The following SLC8A1 variants were observed in gnomAD, a reference collection of about 807,000 sequenced individuals.
The protein encoded by SLC8A1 is solute carrier family 8 member A1, also known as sodium/calcium exchanger 1.
In SLC8A1, 18 loss-of-function variants were observed where a neutral mutation model predicts 68.3. The ratio of observed to expected loss-of-function variants is 0.26; its 90% confidence interval spans 0.18 to 0.39. The LOEUF is 0.39. Among genes scored for constraint, SLC8A1 ranks in the 10% least tolerant of loss-of-function variants. The probability of loss-of-function intolerance (pLI) is 1.00; values close to 1 mark genes in which losing one functional copy is unlikely to be tolerated. For missense variants in SLC8A1, 985 were observed against 1,156.7 expected (o/e 0.85, Z 2.15); for synonymous variants, 475 against 415.5 (o/e 1.14, Z -1.74).
intron 2 of SLC8A1, among the ~76,000 whole-genome samples, chr2:40,297,758 G>C (rs537074686): frequency 6.6e-6 from 1 of 152,276 alleles, no homozygotes; most frequent in East Asian, 1.9e-4. Flanking sequence ...TAGAGTAACA[G>C]TCTCAAGAAA....
At chr2:40,358,690 T>A (rs1484903690) in intron 2 of SLC8A1, among the ~76,000 whole-genome samples, 1 of 152,214 alleles carries the variant, frequency 6.6e-6, no homozygotes, top group Non-Finnish European at 1.5e-5. Context: ...ATCTGTACAA[T>A]GGCCTAGGTA....
chr2:40,157,103 C>G (rs773628390), intron 6 of SLC8A1, among the ~76,000 whole-genome samples: 1 of 152,020 alleles, frequency 6.6e-6, no homozygotes, highest in Non-Finnish European at 1.5e-5. Context: ...GTTTTTAGTC[C>G]CATAGCTATT....
intron 1 of SLC8A1, among the ~76,000 whole-genome samples, chr2:40,493,197 G>C (rs1318723159): frequency 6.6e-6 from 1 of 152,044 alleles, no homozygotes; most frequent in East Asian, 1.9e-4. Flanking sequence ...CCTTCGTAGG[G>C]ACATGGATGG....
At position 40,391,798 on chromosome 2, in the gene SLC8A1, T is replaced by G. The variant is rs557349613; in HGVS notation, c.1808+36675A>C. On this transcript the variant is annotated intron_variant, in intron 2 of 7. Coordinates refer to ENST00000406785, the Ensembl canonical transcript of SLC8A1. ...CAAAATAAATCAGGTAGACAAAAAG[T>G]GTTAACCACATCACGCAAAGACCAA... Among the ~76,000 whole-genome samples the G allele has an allele frequency of 1.3e-4, 20 of 152,092 alleles. 1 individual carries two copies. The South Asian group carries it at 2.1e-3, about 16-fold the overall frequency.
At chr2:40,369,494 C>G (rs946345419) in intron 2 of SLC8A1, among the ~76,000 whole-genome samples, 3 of 152,052 alleles carry the variant, frequency 2.0e-5, no homozygotes, top group African/African-American at 7.2e-5. Context: ...TTTAGCATTG[C>G]TAATGTTAAG....
chr2:40,294,884 T>C (rs562581048), intron 2 of SLC8A1, among the ~76,000 whole-genome samples: 2 of 152,290 alleles, frequency 1.3e-5, no homozygotes, highest in South Asian at 4.1e-4. Flanking sequence ...TATAGTCACA[T>C]GTACGTATAA....
chr2:40,284,288 C>T (rs368965923), intron 2 of SLC8A1, among the ~76,000 whole-genome samples: 13 of 148,232 alleles, frequency 8.8e-5, no homozygotes, highest in Middle Eastern at 3.9e-3. Context: ...TCTCTGATCT[C>T]GCTATATATT....
intron 2 of SLC8A1, among the ~76,000 whole-genome samples, chr2:40,318,089 C>G (rs2074710243): frequency 6.6e-6 from 1 of 152,086 alleles, no homozygotes; most frequent in African/African-American, 2.4e-5. Context: ...TCACATGGAA[C>G]ACTTAATTAT....
chr2:40,168,956 G>T (rs2047004903), intron 4 of SLC8A1, among the ~76,000 whole-genome samples: 1 of 152,160 alleles, frequency 6.6e-6, no homozygotes, highest in Non-Finnish European at 1.5e-5. Flanking sequence ...AATATTGACA[G>T]GACATAAAAC....
chr2:40,490,724 G>A (rs777058345), intron 1 of SLC8A1, among the ~76,000 whole-genome samples: 3 of 151,960 alleles, frequency 2.0e-5, no homozygotes, highest in Admixed American at 2.0e-4. Context: ...GACTTCTAAC[G>A]TCAACTTGGC....
intron 2 of SLC8A1, among the ~76,000 whole-genome samples, chr2:40,271,787 C>A (rs1297263707): frequency 1.3e-5 from 2 of 152,164 alleles, no homozygotes; most frequent in Non-Finnish European, 2.9e-5. Context: ...ACCCTTCTTT[C>A]CCCAGTGTCC....
At chr2:40,163,593 C>T (rs1485995679) in intron 5 of SLC8A1, among the ~76,000 whole-genome samples, 1 of 152,176 alleles carries the variant, frequency 6.6e-6, no homozygotes, top group Non-Finnish European at 1.5e-5. Context: ...ACATTCCAGG[C>T]ATGGTTGTGC....
At chr2:40,357,562 ATCT>A (rs1673095501) in intron 2 of SLC8A1, among the ~76,000 whole-genome samples, 1 of 151,796 alleles carries the variant, frequency 6.6e-6, no homozygotes, top group African/African-American at 2.4e-5. Flanking sequence ...TGTAGAAGTA[ATCT>A]TCTCACAGAA....
intron 2 of SLC8A1, among the ~76,000 whole-genome samples, chr2:40,241,666 G>T (rs1016811883): frequency 3.9e-5 from 6 of 152,082 alleles, no homozygotes; most frequent in African/African-American, 1.4e-4. Flanking sequence ...AGGGAAAGAA[G>T]AGTGTGAAGG....
intron 2 of SLC8A1, among the ~76,000 whole-genome samples, chr2:40,333,248 C>A (rs1010395751): frequency 1.3e-5 from 2 of 151,916 alleles, no homozygotes; most frequent in African/African-American, 4.8e-5. Context: ...ACCATCCTGG[C>A]TAACACGGTG....
intron 2 of SLC8A1, among the ~76,000 whole-genome samples, chr2:40,391,581 C>T (rs993250407): frequency 6.6e-6 from 1 of 151,974 alleles, no homozygotes; most frequent in Admixed American, 6.6e-5. Flanking sequence ...TTTATAAGAG[C>T]ATTATGACTT....
chr2:40,411,511 A>G (rs968681644), intron 2 of SLC8A1, among the ~76,000 whole-genome samples: 1 of 152,054 alleles, frequency 6.6e-6, no homozygotes, highest in Non-Finnish European at 1.5e-5. Context: ...GAACTAATCT[A>G]AAATGTGAGC....
chr2:40,313,005 C>A (rs1362752231), intron 2 of SLC8A1, among the ~76,000 whole-genome samples: 1 of 151,904 alleles, frequency 6.6e-6, no homozygotes, highest in East Asian at 1.9e-4. Context: ...GCTGCATATA[C>A]TACGTATATA....
intron 6 of SLC8A1, among the ~76,000 whole-genome samples, chr2:40,158,078 ATTGAG>A (rs1558562972): frequency 6.6e-6 from 1 of 152,196 alleles, no homozygotes; most frequent in Non-Finnish European, 1.5e-5. Context: ...AGCGAGATAT[ATTGAG>A]TTAATTTTGC....
Sources: gnomAD v4.1 joint callset for allele counts (sites outside exome capture counted in the v4.1 genomes callset) on GRCh38, gnomAD v4.1.1 for gene constraint, MANE v1.5 for transcripts, NCBI Gene and HGNC (gene_info 2026-07-23, HGNC 2026-07-21) for gene names.